The following NME8 variants were observed in gnomAD, a reference collection of about 807,000 sequenced individuals.
NME8 encodes protein NME8.
Under a neutral mutation model 82.3 loss-of-function variants are expected in NME8, and 72 were observed. The ratio of observed to expected loss-of-function variants is 0.87; its 90% CI spans 0.72 to 1.06. The LOEUF (loss-of-function observed/expected upper bound fraction) is 1.06. Among genes scored for constraint, NME8 ranks in the 50% least tolerant of loss-of-function variants. The pLI is 0.00. For missense variants in NME8, 712 were observed against 685.4 expected (o/e 1.04, Z -0.43); for synonymous variants, 267 against 228.5 (o/e 1.17, Z -1.52).
chr7:37,885,273 C>A, intron 14 of NME8, 21 bp downstream of exon 14: 4 of 1,486,896 alleles, frequency 2.7e-6, no homozygotes, highest in Non-Finnish European at 3.8e-6. Context: ...TACCATGGGT[C>A]ACTATCTGTT....
In NME8 at chr7:37,863,453, G is replaced by A. The variant is rs1485219232; in HGVS notation, c.445G>A (p.Glu149Lys). ...DSEVSEESPC[E>K]SVQELYSIAI... ...AGAAGTTAGTGAAGAATCACCATGT[G>A]AAAGTGTTCGTAAGTAAATTTACTT... Residue 149 changes from glutamate (E) to lysine (K), a missense_variant, in exon 8 of 18, where the codon GAA (glutamate) becomes AAA (lysine). Physicochemically the swap from Glu to Lys is moderately conservative, Grantham distance 56 (BLOSUM62 1). Transcript: ENST00000199447. 5.0e-6 allele frequency: 8 copies of A among 1,591,024 alleles called. No homozygotes were observed. The highest frequency in any genetic ancestry group is 6.9e-6 in the Non-Finnish European group (8 of 1,159,182).
Position 37,896,984 on chromosome 7 carries a change from A to G in NME8, c.1659A>G (p.Arg553=), listed in dbSNP as rs887766229. Residue 553 remains arginine (R), a synonymous_variant, in exon 17 of 18, where the codon CGA becomes CGG. Transcript: ENST00000199447. ...EAKLLSPDSI[R]AQFGISKLKN... Reference sequence around the variant, plus strand: ...AATTACTTTCCCCTGACTCCATCCGAGCCCAGTTTGGAATAAGTAAATTGA... The same window carrying G: ...AATTACTTTCCCCTGACTCCATCCGGGCCCAGTTTGGAATAAGTAAATTGA... 1.2e-5 allele frequency: 20 copies of G among 1,613,840 alleles called. No individual in the cohort carries two copies. In the African/African-American group the frequency reaches 2.1e-4, roughly 17 times the overall value.
chr7:37,850,933 C>T (rs1031773229), intron 5 of NME8, among the ~76,000 whole-genome samples, 198 bp downstream of exon 5: 3 of 152,082 alleles, frequency 2.0e-5, no homozygotes, highest in Non-Finnish European at 2.9e-5. Context: ...ATTCTTATAA[C>T]GTCGAGGCTA....
chr7:37,869,729 C>A (rs553477029), intron 11 of NME8, among the ~76,000 whole-genome samples: 1 of 152,236 alleles, frequency 6.6e-6, no homozygotes, highest in South Asian at 2.1e-4. Flanking sequence ...GTGCCTTTGG[C>A]CCATGTTTAT....
chr7:37,883,475 C>T (rs1164090694), intron 12 of NME8, among the ~76,000 whole-genome samples: 1 of 152,094 alleles, frequency 6.6e-6, no homozygotes, highest in Non-Finnish European at 1.5e-5. Flanking sequence ...CAATTGTTTG[C>T]TTAGTTCTAC....
intron 11 of NME8, among the ~76,000 whole-genome samples, chr7:37,876,413 TAAAC>T (rs10549611): frequency 0.14 from 21,604 of 151,744 alleles, 2,016 homozygotes; most frequent in African/African-American, 0.26. Context: ...AAATTGGAAA[TAAAC>T]AATAAAAAGG....
At chr7:37,866,051 C>T (rs1283230174) in intron 10 of NME8, among the ~76,000 whole-genome samples, 1 of 151,990 alleles carries the variant, frequency 6.6e-6, no homozygotes, top group African/African-American at 2.4e-5. Context: ...CTCCTGCCAC[C>T]TCCCTACCCC....
rs1342251170 is a variant in NME8 at position 37,888,348 on chromosome 7, C to A, written c.1319C>A (p.Ala440Asp). The A allele has an allele frequency of 5.6e-6, 9 of 1,613,418 alleles. No homozygotes were observed. Among genetic ancestry groups the A allele is most frequent in the Non-Finnish European group, 5.9e-6 (7 of 1,179,640 alleles). The change falls in exon 15 of 18, where the codon GCT (alanine) becomes GAT (aspartate). Residue 440 changes from alanine (A) to aspartate (D), a missense_variant. Ala to Asp is a moderately radical substitution (Grantham distance 126, BLOSUM62 -2). Transcript: ENST00000199447. Reference protein sequence around the residue: ...QLYGSDSLETAEREIQHFFPL... With the variant: ...QLYGSDSLETDEREIQHFFPL... ...TATGGCAGCGATTCATTAGAAACCG[C>A]TGAAAGGGAAATACAGCATTTCTTT... is the stretch of plus-strand genomic sequence containing the variant.
intron 12 of NME8, among the ~76,000 whole-genome samples, chr7:37,882,589 AAG>A (rs1236691369): frequency 2.8e-3 from 144 of 52,324 alleles, no homozygotes; most frequent in African/African-American, 9.5e-3. Context: ...GAAAGAAAGA[AAG>A]AAAGAAAGAG....
chr7:37,890,403 A>G (rs1785111219), intron 15 of NME8, among the ~76,000 whole-genome samples: 1 of 151,984 alleles, frequency 6.6e-6, no homozygotes, highest in South Asian at 2.1e-4. Flanking sequence ...CAGGGTATAT[A>G]GCATACCCAT....
intron 5 of NME8, 146 bp from the exon 6 acceptor site, chr7:37,857,128 A>G: frequency 1.6e-6 from 1 of 641,440 alleles, no homozygotes; most frequent in Non-Finnish European, 2.7e-6. Context: ...CAGTATGTGC[A>G]GTTTGATCCC....
chr7:37,877,157 T>C, intron 12 of NME8, 150 bp downstream of exon 12: 3 of 655,660 alleles, frequency 4.6e-6, no homozygotes, highest in Non-Finnish European at 8.0e-6. Context: ...ACTAATATCT[T>C]AATAGTGAAT....
chr7:37,850,336 A>T, intron 3 of NME8, 37 bp downstream of exon 3: 1 of 1,614,058 alleles, frequency 6.2e-7, no homozygotes, highest in Non-Finnish European at 8.5e-7. Context: ...TATCTGGTGC[A>T]CTAGTGCTTG....
At chr7:37,862,248 C>T (rs1784607591) in intron 7 of NME8, 104 bp downstream of exon 7, 9 of 762,876 alleles carry the variant, frequency 1.2e-5, no homozygotes, top group Middle Eastern at 3.5e-4. Context: ...GCTTTGAGTA[C>T]TTTATGTCTT....
intron 17 of NME8, among the ~76,000 whole-genome samples, chr7:37,899,144 G>A (rs1160277396): frequency 6.6e-6 from 1 of 152,078 alleles, no homozygotes; most frequent in African/African-American, 2.4e-5. Flanking sequence ...CGAAGACCTG[G>A]AACCAGAAAT....
intron 5 of NME8, among the ~76,000 whole-genome samples, chr7:37,851,625 G>A (rs1174071558): frequency 6.6e-6 from 1 of 152,076 alleles, no homozygotes; most frequent in Non-Finnish European, 1.5e-5. Flanking sequence ...TATTTTGGAT[G>A]TATCGGGTTA....
intron 2 of NME8, among the ~76,000 whole-genome samples, chr7:37,849,729 G>A (rs572873429): frequency 6.6e-6 from 1 of 152,096 alleles, no homozygotes; most frequent in East Asian, 1.9e-4. Flanking sequence ...AAATTAGCCC[G>A]CCGTGGTGGC....
chr7:37,891,298 T>G (rs1785125742), intron 15 of NME8, among the ~76,000 whole-genome samples: 1 of 151,908 alleles, frequency 6.6e-6, no homozygotes, highest in Non-Finnish European at 1.5e-5. Flanking sequence ...TTTGTCTGGT[T>G]TTGCTTTTGT....
At chr7:37,869,060 C>A (rs977592425) in intron 11 of NME8, among the ~76,000 whole-genome samples, 4 of 152,114 alleles carry the variant, frequency 2.6e-5, no homozygotes, top group African/African-American at 9.7e-5. Context: ...CCGTGCTTGG[C>A]AGCCCATCTC....
Sources: allele counts gnomAD v4.1 joint callset (sites outside exome capture counted in the v4.1 genomes callset), GRCh38; gene constraint gnomAD v4.1.1; transcripts MANE v1.5; gene names NCBI Gene and HGNC (gene_info 2026-07-23, HGNC 2026-07-21).